Variants in BRD10 observed in about 807,000 individuals in gnomAD.
The protein encoded by BRD10 is bromodomain containing 10, also known as uncharacterized bromodomain-containing protein 10.
At chr9:6,004,947 G>C in the BRD10 span, among the ~76,000 whole-genome samples, 1 of 152,140 alleles carries the variant, frequency 6.6e-6, no homozygotes, top group South Asian at 2.1e-4. Context: ...ACAAAAAAGC[G>C]AGGGACTCCA....
chr9:5,888,121 A>T, the BRD10 span, among the ~76,000 whole-genome samples: 1 of 152,154 alleles, frequency 6.6e-6, no homozygotes, highest in East Asian at 1.9e-4. Context: ...ATTTAATCTA[A>T]GTCTTGAGCT....
At chr9:5,994,323 G>A in the BRD10 span, among the ~76,000 whole-genome samples, 1 of 152,100 alleles carries the variant, frequency 6.6e-6, no homozygotes, top group Non-Finnish European at 1.5e-5. Flanking sequence ...TATTCAAAAT[G>A]TTTGCTGCTT....
chr9:5,943,400 A>C, the BRD10 span, among the ~76,000 whole-genome samples: 1 of 152,198 alleles, frequency 6.6e-6, no homozygotes. Flanking sequence ...AAAAATTGGC[A>C]ACTTTATTTA....
At chr9:5,911,404 TG>T in the BRD10 span, among the ~76,000 whole-genome samples, 22 of 138,470 alleles carry the variant, frequency 1.6e-4, no homozygotes, top group African/African-American at 4.5e-4. Context: ...GGTCTATGTG[TG>T]TTTTTTTTTT....
chr9:5,943,545 T>TAAAA, the BRD10 span, among the ~76,000 whole-genome samples: 12 of 98,122 alleles, frequency 1.2e-4, no homozygotes, highest in African/African-American at 3.7e-4. Flanking sequence ...GCATAAAACA[T>TAAAA]AAAAAAAAAA....
At chr9:5,882,567 G>A in the BRD10 span, among the ~76,000 whole-genome samples, 1 of 152,188 alleles carries the variant, frequency 6.6e-6, no homozygotes, top group African/African-American at 2.4e-5. Context: ...AAAAAATACT[G>A]CAAGGACAAC....
chr9:5,929,217 C>T, the BRD10 span: 5 of 906,090 alleles, frequency 5.5e-6, no homozygotes, highest in African/African-American at 6.8e-5. Flanking sequence ...AATGTCAAAA[C>T]TTATTTTCTG....
the BRD10 span, among the ~76,000 whole-genome samples, chr9:5,955,082 C>G: frequency 2.0e-5 from 3 of 151,630 alleles, no homozygotes; most frequent in African/African-American, 4.8e-5. Flanking sequence ...TAGTGAAACT[C>G]TGTCTCAAAA....
the BRD10 span, among the ~76,000 whole-genome samples, chr9:5,962,677 G>A: frequency 6.0e-5 from 5 of 83,960 alleles, no homozygotes; most frequent in South Asian, 4.5e-4. Flanking sequence ...CTGGCAAAAC[G>A]AATCCAGCAG....
chr9:5,902,804 G>A, the BRD10 span, among the ~76,000 whole-genome samples: 1 of 151,950 alleles, frequency 6.6e-6, no homozygotes, highest in South Asian at 2.1e-4. Flanking sequence ...ATTGTGCTCT[G>A]CTGATTTCTT....
the BRD10 span, chr9:5,968,616 G>A: frequency 2.5e-6 from 4 of 1,613,662 alleles, no homozygotes. Flanking sequence ...TTATTTTCCT[G>A]CTCTTTCTTG....
chr9:5,906,011 C>T, the BRD10 span, among the ~76,000 whole-genome samples: 3 of 151,898 alleles, frequency 2.0e-5, no homozygotes, highest in Non-Finnish European at 4.4e-5. Flanking sequence ...TACATTGTTG[C>T]TATTATTCAT....
the BRD10 span, chr9:6,007,085 C>T: frequency 4.6e-3 from 5,089 of 1,113,666 alleles, 36 homozygotes; most frequent in Non-Finnish European, 4.6e-3. Flanking sequence ...AGCACCGACT[C>T]AGCACCTATC....
the BRD10 span, among the ~76,000 whole-genome samples, chr9:5,967,701 A>AAG: frequency 8.7e-4 from 132 of 151,132 alleles, 1 homozygote; most frequent in East Asian, 4.4e-3. Flanking sequence ...CCTGAAAAAA[A>AAG]AAAAAAAAAA....
the BRD10 span, among the ~76,000 whole-genome samples, chr9:5,944,112 G>A: frequency 2.0e-5 from 3 of 151,900 alleles, no homozygotes; most frequent in Non-Finnish European, 4.4e-5. Flanking sequence ...TTCCTAAGGC[G>A]CAAAACGAAA....
chr9:5,894,905 G>A, the BRD10 span, among the ~76,000 whole-genome samples: 5 of 152,224 alleles, frequency 3.3e-5, no homozygotes, highest in African/African-American at 1.2e-4. The surrounding 1 kb of genome is among the most constrained non-coding windows in gnomAD (Gnocchi z 4.0). Flanking sequence ...AAAGGGCAAA[G>A]GGGGTTATGA....
At chr9:5,963,907 A>C in the BRD10 span, among the ~76,000 whole-genome samples, 1 of 151,724 alleles carries the variant, frequency 6.6e-6, no homozygotes, top group Non-Finnish European at 1.5e-5. Flanking sequence ...AATCAATTCA[A>C]GATGGATTAA....
At chr9:5,981,379 T>C in the BRD10 span, among the ~76,000 whole-genome samples, 4 of 152,254 alleles carry the variant, frequency 2.6e-5, no homozygotes, top group Non-Finnish European at 4.4e-5. Flanking sequence ...CTTAAGATTC[T>C]GCTACATTGT....
the BRD10 span, among the ~76,000 whole-genome samples, chr9:5,914,682 C>T: frequency 6.6e-6 from 1 of 152,026 alleles, no homozygotes; most frequent in African/African-American, 2.4e-5. Context: ...CTCGGCCTCC[C>T]AAAGTGCTGG....
Sources: gnomAD v4.1 joint callset for allele counts (sites outside exome capture counted in the v4.1 genomes callset) on GRCh38, gnomAD v4.1.1 for gene constraint, Gnocchi (gnomAD v3.1) non-coding constraint, MANE v1.5 for transcripts, NCBI Gene and HGNC (gene_info 2026-07-23, HGNC 2026-07-21) for gene names.